ZNF385D: variants seen among roughly 807,000 people sequenced by gnomAD.
ZNF385D encodes zinc finger protein 659.
Under a neutral mutation model 35.8 loss-of-function variants are expected in ZNF385D, and 15 were observed. The ratio of observed to expected loss-of-function variants is 0.42; its 90% CI spans 0.28 to 0.64. The LOEUF is 0.64. ZNF385D is among the 30% of genes least tolerant of loss of function. The pLI, the probability that ZNF385D is intolerant of heterozygous loss-of-function variation, is 0.23. For synonymous variants in ZNF385D, 212 were observed against 186.8 expected (o/e 1.13, Z -1.10); for missense variants, 474 against 494.6 (o/e 0.96, Z 0.39).
intron 1 of ZNF385D, among the ~76,000 whole-genome samples, chr3:21,736,602 C>T (rs948068566): frequency 6.6e-6 from 1 of 152,180 alleles, no homozygotes; most frequent in Non-Finnish European, 1.5e-5. Context: ...TTGCATTTAT[C>T]CCCATTTGTA....
intron 2 of ZNF385D, among the ~76,000 whole-genome samples, chr3:22,251,837 G>A (rs576011284): frequency 9.9e-5 from 15 of 152,170 alleles, no homozygotes; most frequent in African/African-American, 3.1e-4. Context: ...TTCAGTCACT[G>A]AGTGTTACAT....
chr3:22,008,152 GT>G (rs1371957358), intron 3 of ZNF385D, among the ~76,000 whole-genome samples: 1 of 152,044 alleles, frequency 6.6e-6, no homozygotes, highest in Non-Finnish European at 1.5e-5. Context: ...TTAGATGGGT[GT>G]TGGAACCGAA....
At chr3:21,778,638 A>G (rs1043565889) in intron 3 of ZNF385D, among the ~76,000 whole-genome samples, 4 of 151,918 alleles carry the variant, frequency 2.6e-5, no homozygotes, top group African/African-American at 9.7e-5. Context: ...ATCACATCAC[A>G]TATCTTTATA....
intron 3 of ZNF385D, among the ~76,000 whole-genome samples, chr3:22,083,841 G>C (rs1438899153): frequency 6.6e-6 from 1 of 152,286 alleles, no homozygotes; most frequent in African/African-American, 2.4e-5. Flanking sequence ...AGAAAGGTCA[G>C]GTTATCCACA....
At chr3:22,157,391 C>G (rs911399628) in intron 3 of ZNF385D, among the ~76,000 whole-genome samples, 2 of 151,934 alleles carry the variant, frequency 1.3e-5, no homozygotes, top group Non-Finnish European at 2.9e-5. Flanking sequence ...GACCCGTTGT[C>G]TTCCTCCTAT....
chr3:22,121,657 T>C (rs945187034), intron 3 of ZNF385D, among the ~76,000 whole-genome samples: 3 of 148,634 alleles, frequency 2.0e-5, no homozygotes, highest in Admixed American at 7.0e-5. Context: ...TAGGGGAAGT[T>C]GTTGAATGAT....
intron 2 of ZNF385D, among the ~76,000 whole-genome samples, chr3:21,591,815 CCTT>C (rs1394306615): frequency 6.6e-6 from 1 of 152,088 alleles, no homozygotes; most frequent in Non-Finnish European, 1.5e-5. Flanking sequence ...AGTTGTAATT[CCTT>C]CTCCAATATC....
intron 4 of ZNF385D, among the ~76,000 whole-genome samples, chr3:21,439,791 G>A (rs1039314095): frequency 2.6e-5 from 4 of 152,060 alleles, no homozygotes; most frequent in African/African-American, 9.7e-5. Context: ...CAGATTCTCT[G>A]TGCCTAGGGG....
intron 4 of ZNF385D, among the ~76,000 whole-genome samples, chr3:21,439,295 G>A (rs1197129103): frequency 1.6e-5 from 1 of 62,394 alleles, no homozygotes; most frequent in East Asian, 5.0e-4. Flanking sequence ...CAGATTTTGA[G>A]GCAAAAAAAA....
In ZNF385D at chr3:22,012,219, T is replaced by C. The variant is rs1050885024; in HGVS notation, c.325+156598A>G. ...AGAGGATATATGACACACCTCTTCA[T>C]TGACATTTTAAGAATTATTGCATAA... On this transcript the variant is annotated intron_variant, in intron 3 of 5. Transcript: ENST00000494108. 7.2e-5 allele frequency among the ~76,000 whole-genome samples: 11 copies of C among 152,160 alleles called. No homozygotes were observed. In the East Asian group the frequency reaches 1.7e-3, roughly 24 times the overall value.
rs868772820 is a variant in ZNF385D at position 22,096,376 on chromosome 3, T to G, written c.325+72441A>C. Among the ~76,000 whole-genome samples the G allele has an allele frequency of 1.7e-4, 26 of 152,140 alleles. No individual in the cohort carries two copies. The Middle Eastern group carries it at 0.014, about 80-fold the overall frequency. ...AATTTTTTTAAAAGAAAAAAACTGT[T>G]TATGGCTTATTGTTTAAATAGGGCT... On this transcript the variant is annotated intron_variant, in intron 3 of 5. Transcript: ENST00000494108.
At chr3:21,660,438 A>G (rs1442907542) in intron 2 of ZNF385D, among the ~76,000 whole-genome samples, 2 of 152,086 alleles carry the variant, frequency 1.3e-5, no homozygotes, top group African/African-American at 4.8e-5. Flanking sequence ...TAATCTTTAT[A>G]CCAACTGGAA....
At chr3:22,361,047 C>T (rs148473648) in intron 2 of ZNF385D, among the ~76,000 whole-genome samples, 13 of 152,106 alleles carry the variant, frequency 8.5e-5, no homozygotes, top group African/African-American at 2.9e-4. Flanking sequence ...AAAGTCACAG[C>T]CTTTGCCGCT....
At chr3:22,218,353 G>A (rs112773803) in intron 2 of ZNF385D, among the ~76,000 whole-genome samples, 1 of 150,866 alleles carries the variant, frequency 6.6e-6, no homozygotes, top group South Asian at 2.1e-4. Context: ...AATTATTGCT[G>A]GTAAACAGAA....
intron 3 of ZNF385D, among the ~76,000 whole-genome samples, chr3:21,554,180 T>G (rs1319660563): frequency 6.6e-6 from 1 of 152,162 alleles, no homozygotes; most frequent in Non-Finnish European, 1.5e-5. Flanking sequence ...AATATATTTC[T>G]TAAATAATAA....
intron 2 of ZNF385D, among the ~76,000 whole-genome samples, chr3:22,205,715 C>T (rs1201515248): frequency 6.6e-6 from 1 of 151,884 alleles, no homozygotes; most frequent in Non-Finnish European, 1.5e-5. Flanking sequence ...ATATTATTTG[C>T]AAGCCCCATG....
intron 4 of ZNF385D, among the ~76,000 whole-genome samples, chr3:21,478,865 A>G (rs1704413694): frequency 6.6e-6 from 1 of 152,158 alleles, no homozygotes; most frequent in East Asian, 1.9e-4. Flanking sequence ...ATTTACCTAC[A>G]TTCAAATTTA....
At chr3:22,214,707 C>T (rs1246899507) in intron 2 of ZNF385D, among the ~76,000 whole-genome samples, 1 of 151,922 alleles carries the variant, frequency 6.6e-6, no homozygotes, top group South Asian at 2.1e-4. Flanking sequence ...CGAGGAAATT[C>T]CCACCTAATA....
At chr3:21,739,125 G>A (rs551702016) in intron 1 of ZNF385D, among the ~76,000 whole-genome samples, 1 of 152,216 alleles carries the variant, frequency 6.6e-6, no homozygotes, top group African/African-American at 2.4e-5. Context: ...GGCAAAGCCA[G>A]CCTCATTCTC....
Sources: allele counts gnomAD v4.1 joint callset (sites outside exome capture counted in the v4.1 genomes callset), GRCh38; gene constraint gnomAD v4.1.1; transcripts MANE v1.5; gene names NCBI Gene and HGNC (gene_info 2026-07-23, HGNC 2026-07-21).